The following ELL2 variants were observed in gnomAD, a reference collection of about 807,000 sequenced individuals.
ELL2 encodes the protein RNA polymerase II elongation factor ELL2.
ELL2 carries 21 observed loss-of-function variants against 72.8 expected under a neutral mutation model. The ratio of observed to expected loss-of-function variants is 0.29; its 90% CI spans 0.20 to 0.42. The LOEUF is 0.42. Among genes scored for constraint, ELL2 ranks in the 10% least tolerant of loss-of-function variants. The probability of loss-of-function intolerance (pLI) is 1.00; values close to 1 mark genes in which losing one functional copy is unlikely to be tolerated. For missense variants in ELL2, 568 were observed against 772.8 expected (o/e 0.73, Z 3.14); for synonymous variants, 266 against 283.2 (o/e 0.94, Z 0.61).
chr5:95,951,187 G>C (rs1273156558), intron 1 of ELL2, among the ~76,000 whole-genome samples: 1 of 151,138 alleles, frequency 6.6e-6, no homozygotes, highest in Non-Finnish European at 1.5e-5. Flanking sequence ...GGCTAACATG[G>C]TGAAACCCTG....
intron 2 of ELL2, among the ~76,000 whole-genome samples, chr5:95,929,424 A>C (rs1750516777): frequency 6.6e-6 from 1 of 151,956 alleles, no homozygotes; most frequent in South Asian, 2.1e-4. Context: ...ACATCCGGCT[A>C]ATTTTTGTAT....
chr5:95,940,360 G>A (rs142472294), intron 2 of ELL2, among the ~76,000 whole-genome samples: 1,985 of 152,172 alleles, frequency 0.013, 18 homozygotes, highest in Admixed American at 0.021. Flanking sequence ...CAACCTAAGG[G>A]AACATGTTCA....
intron 7 of ELL2, among the ~76,000 whole-genome samples, chr5:95,899,632 A>G (rs1292035827): frequency 6.6e-6 from 1 of 152,240 alleles, no homozygotes; most frequent in Non-Finnish European, 1.5e-5. Context: ...AAACTATAAA[A>G]TATAAATTCA....
In ELL2 at chr5:95,887,372, AC is replaced by A. The variant is rs1748499998; in HGVS notation, c.*1498del. 7.2e-5 allele frequency: 11 copies of A among 152,662 alleles called. No homozygotes were observed. Among genetic ancestry groups the A allele is most frequent in the Admixed American group, 7.2e-4 (11 of 15,284 alleles). 9.5% of individuals were successfully genotyped at this position (152,662 alleles called of 1,614,324 possible). On this transcript the variant is annotated 3_prime_UTR_variant, in exon 12 of 12. Coordinates refer to ENST00000237853, the MANE Select transcript of ELL2 (RefSeq NM_012081.6). ...ACATTTTTCTGGTTTACAGTGATAC[AC>A]AACAAAGTTATTCATTTATTTTTCT...
intron 2 of ELL2, among the ~76,000 whole-genome samples, chr5:95,941,282 A>T (rs948576986): frequency 4.6e-5 from 7 of 152,220 alleles, no homozygotes; most frequent in African/African-American, 1.7e-4. Context: ...GGAATAAAGT[A>T]GGAAGAGAAA....
At chr5:95,930,253 C>CTGGAGCCT (rs1193836401) in intron 2 of ELL2, among the ~76,000 whole-genome samples, 4 of 152,306 alleles carry the variant, frequency 2.6e-5, no homozygotes, top group Admixed American at 2.6e-4. Flanking sequence ...TCCTTGTACC[C>CTGGAGCCT]TGGAGCCTTG....
chr5:95,927,764 T>TAC (rs200681140), intron 2 of ELL2, among the ~76,000 whole-genome samples: 1 of 70,148 alleles, frequency 1.4e-5, no homozygotes, highest in Non-Finnish European at 2.5e-5. Flanking sequence ...TATATAGACA[T>TAC]ACACACACAC....
Position 95,886,694 on chromosome 5 carries a change from T to G in ELL2, c.*2177A>C, listed in dbSNP as rs145706923. ...AAAAAGCCAATAGTTGACCTTCAGTTCAAGATTTCAAGATTTACAGACCTA... is the reference window on the plus strand; with the variant it reads ...AAAAAGCCAATAGTTGACCTTCAGTGCAAGATTTCAAGATTTACAGACCTA... On this transcript the variant is annotated 3_prime_UTR_variant, in exon 12 of 12. Transcript: ENST00000237853. 3.2e-3 allele frequency: 476 copies of G among 150,852 alleles called. 2 individuals are homozygous for G. The highest frequency in any genetic ancestry group is 0.01 in the African/African-American group (428 of 41,120). 9.3% of individuals were successfully genotyped at this position (150,852 alleles called of 1,614,324 possible).
At chr5:95,916,981 A>G (rs1749835480) in intron 3 of ELL2, among the ~76,000 whole-genome samples, 1 of 152,224 alleles carries the variant, frequency 6.6e-6, no homozygotes, top group African/African-American at 2.4e-5. Flanking sequence ...TCTTTATGCA[A>G]AACAAACGGA....
Position 95,906,701 on chromosome 5 carries a change from G to C in ELL2, c.563C>G (p.Pro188Arg), listed in dbSNP as rs1749374847. ...ATGTGTCTTTCGAATTGTATTTGCA[G>C]GGTTCATGGGGGTTGACCTTTTCCT... ...PERKRSTPMN[P>R]ANTIRKTHSS... Residue 188 changes from proline (P) to arginine (R), a missense_variant, in exon 5 of 12, where the codon CCT becomes CGT. Around this residue, in one of 2 missense-constraint regions of ELL2, gnomAD observed 511 missense variants for 728.4 expected, o/e 0.70. Transcript: ENST00000237853. 1 of 1,613,950 alleles carries C rather than the reference G, an allele frequency of 6.2e-7. No individual in the cohort carries two copies. The highest frequency in any genetic ancestry group is 1.3e-5 in the African/African-American group (1 of 74,908).
intron 9 of ELL2, among the ~76,000 whole-genome samples, chr5:95,893,916 C>A (rs959667417): frequency 2.0e-5 from 3 of 152,126 alleles, no homozygotes; most frequent in African/African-American, 7.2e-5. Context: ...TGCACCAAGG[C>A]AGATCCAGGA....
intron 2 of ELL2, among the ~76,000 whole-genome samples, chr5:95,937,182 T>TG (rs1251572417): frequency 1.3e-5 from 2 of 152,196 alleles, no homozygotes; most frequent in East Asian, 3.9e-4. Context: ...GCTCATGCTT[T>TG]GGGGGGCTTG....
chr5:95,899,557 ATAG>A (rs1256489789), intron 7 of ELL2, among the ~76,000 whole-genome samples: 2 of 152,202 alleles, frequency 1.3e-5, no homozygotes, highest in African/African-American at 4.8e-5. Context: ...AATCATGGTA[ATAG>A]TAGCCTAATC....
In ELL2 at chr5:95,900,695, G is replaced by T; in HGVS notation, c.952C>A (p.Gln318Lys). 1 of 1,590,658 alleles carries T rather than the reference G, an allele frequency of 6.3e-7. No individual in the cohort carries two copies. The highest frequency in any genetic ancestry group is 8.6e-7 in the Non-Finnish European group (1 of 1,168,030). The change falls in exon 7 of 12, where the codon CAG becomes AAG. Residue 318 changes from glutamine to lysine, a missense_variant and splice_region_variant. Physicochemically the swap from Gln to Lys is moderately conservative, Grantham distance 53. Coordinates refer to ENST00000237853, the MANE Select transcript of ELL2 (RefSeq NM_012081.6). Reference sequence around the variant, plus strand: ...ATAATTCTATGTTTATGACATACCTGAGGAGAAGATACAGCGTCTCTACTA... The same window carrying T: ...ATAATTCTATGTTTATGACATACCTTAGGAGAAGATACAGCGTCTCTACTA... Reference protein sequence around the residue: ...CSSRDAVSSPQKRLLDSEFID... With the variant: ...CSSRDAVSSPKKRLLDSEFID...
rs1561504255 is a variant in ELL2, at chr5:95,927,410, TGTGTATATAGACATACACACACAC to T, written c.196-7889_196-7866del. Among the ~76,000 whole-genome samples, 72 of 42,840 alleles carry T rather than the reference TGTGTATATAGACATACACACACAC, an allele frequency of 1.7e-3. 14 individuals are homozygous for T. The highest frequency in any genetic ancestry group is 2.3e-3 in the Non-Finnish European group (58 of 25,364). The allele number at this position is 42,840 out of a possible 152,430, so 28.1% of individuals were successfully genotyped here. ...GTGTATATATAGACATACACACACGTGTGTATATAGACATACACACACACGTGTGTATATAGACATACACACACA... is the reference window on the plus strand; with the variant it reads ...GTGTATATATAGACATACACACACGTGTGTGTATATAGACATACACACACA... On this transcript the variant is annotated intron_variant, in intron 2 of 11. Transcript: ENST00000237853.
At chr5:95,936,987 G>C (rs1580524669) in intron 2 of ELL2, among the ~76,000 whole-genome samples, 1 of 152,208 alleles carries the variant, frequency 6.6e-6, no homozygotes, top group East Asian at 1.9e-4. Context: ...TGTCTATCAT[G>C]GTGCCTGGTA....
chr5:95,902,317 T>C (rs1191736300), intron 5 of ELL2, among the ~76,000 whole-genome samples: 4 of 152,184 alleles, frequency 2.6e-5, no homozygotes, highest in Non-Finnish European at 5.9e-5. Context: ...TCCTTGAAAT[T>C]CCCCAAACCA....
intron 2 of ELL2, among the ~76,000 whole-genome samples, chr5:95,921,247 TG>T (rs1750070399): frequency 1.3e-5 from 2 of 152,134 alleles, no homozygotes; most frequent in South Asian, 2.1e-4. Context: ...CAAAGAAAAA[TG>T]TTTTTTGAAA....
intron 6 of ELL2, 51 bp downstream of exon 6, chr5:95,900,905 C>T (rs1478020041): frequency 1.3e-6 from 2 of 1,570,954 alleles, no homozygotes; most frequent in African/African-American, 1.4e-5. Flanking sequence ...TGACTTATTT[C>T]CATAATTTTT....
Sources: allele counts gnomAD v4.1 joint callset (sites outside exome capture counted in the v4.1 genomes callset), GRCh38; gene constraint gnomAD v4.1.1; regional missense constraint gnomAD v4.1.1; transcripts MANE v1.5; gene names NCBI Gene and HGNC (gene_info 2026-07-23, HGNC 2026-07-21).